PROX2: variants seen among roughly 807,000 people sequenced by gnomAD.
PROX2 encodes prospero homeobox 2, also known as prospero homeobox protein 2.
Under a neutral mutation model 48.9 loss-of-function variants are expected in PROX2, and 46 were observed. That is an observed-to-expected ratio of 0.94 (90% CI 0.74 to 1.20). PROX2 has a LOEUF of 1.20. Ranked by LOEUF, PROX2 falls within the 50% of genes most tolerant of loss-of-function variation. The probability of loss-of-function intolerance (pLI) is 0.00; values close to 1 mark genes in which losing one functional copy is unlikely to be tolerated. For synonymous variants in PROX2, 260 were observed against 276.6 expected (o/e 0.94, Z 0.60); for missense variants, 663 against 719.4 (o/e 0.92, Z 0.90).
At position 74,863,432 on chromosome 14, in the gene PROX2, G is replaced by A. The variant is rs750931588; in HGVS notation, c.403C>T (p.Gln135Ter). Reference protein sequence around the residue: ...NRKGGPRVREQLHLLKQQLRH... With the variant: ...NRKGGPRVRE ...AGCTGTTGCTTCAGCAGATGAAGTT[G>A]TTCTCTCACACGAGGGCCCCCCTTC... The change falls in exon 3 of 6, where the codon CAA (glutamine) becomes TAA (stop). Residue 135 changes from glutamine to a stop codon, truncating the protein, a stop_gained. Coordinates refer to ENST00000556489, the MANE Select transcript of PROX2 (RefSeq NM_001243007.2). LOFTEE classifies it high-confidence loss of function. 7 of 1,613,462 alleles carry A rather than the reference G, an allele frequency of 4.3e-6. No individual in the cohort carries two copies. In the South Asian group the frequency reaches 7.7e-5, roughly 18 times the overall value.
chr14:74,873,176 G>T (rs1417158774), intron 1 of PROX2, among the ~76,000 whole-genome samples: 1 of 152,056 alleles, frequency 6.6e-6, no homozygotes, highest in Non-Finnish European at 1.5e-5. Context: ...GTAGAGGCGG[G>T]GTTTCACCAT....
In PROX2 at chr14:74,857,090, C is replaced by T. The variant is rs954910516; in HGVS notation, c.1414-95G>A. 59 of 951,480 alleles carry T rather than the reference C, an allele frequency of 6.2e-5. 2 individuals are homozygous for T. The Middle Eastern group carries it at 6.7e-4, about 11-fold the overall frequency. The allele number at this position is 951,480 out of a possible 1,614,324, so 58.9% of individuals were successfully genotyped here. A position where few individuals can be genotyped will look rare whatever the true frequency, so the allele number is the denominator to read the frequency against. On this transcript the variant is annotated intron_variant, in intron 4 of 5. Transcript: ENST00000556489. ...CCAGCTCAGTATAGGGGTTCATATA[C>T]GGCTTTAACCAGCATTAACAGGGGC...
Position 74,855,114 on chromosome 14 carries a change from A to C in PROX2, c.*18T>G, listed in dbSNP as rs2091732151. ...AGCCAGTCACTCCTCACGTTGTGGGATCTTAACCCCGAAACAGCTACTGGG... is the reference window on the plus strand; with the variant it reads ...AGCCAGTCACTCCTCACGTTGTGGGCTCTTAACCCCGAAACAGCTACTGGG... On this transcript the variant is annotated 3_prime_UTR_variant, in exon 6 of 6. Transcript: ENST00000556489. 6.6e-7 allele frequency: 1 copy of C among 1,510,178 alleles called. No individual in the cohort carries two copies. Among genetic ancestry groups the C allele is most frequent in the Admixed American group, 1.8e-5 (1 of 54,322 alleles). The allele number at this position is 1,510,178 out of a possible 1,614,324, so 93.5% of individuals were successfully genotyped here.
intron 5 of PROX2, chr14:74,856,240 G>A (rs1439812552): frequency 6.5e-6 from 1 of 152,934 alleles, no homozygotes; most frequent in African/African-American, 2.4e-5. Flanking sequence ...ACCTTTCACT[G>A]ACGCTTTACC....
intron 3 of PROX2, chr14:74,859,420 T>C (rs2091778002): frequency 6.6e-6 from 1 of 152,184 alleles, no homozygotes; most frequent in African/African-American, 2.4e-5. Context: ...TCAATAAATA[T>C]TTGTTGTGTG....
intron 2 of PROX2, among the ~76,000 whole-genome samples, chr14:74,870,829 C>T (rs1164055295): frequency 6.6e-6 from 1 of 152,134 alleles, no homozygotes; most frequent in Non-Finnish European, 1.5e-5. Flanking sequence ...TGCCTGAGGT[C>T]AGGAGTTCGA....
chr14:74,863,647 G>C lies in PROX2; in HGVS notation c.188C>G (p.Ala63Gly). Residue 63 changes from alanine to glycine, a missense_variant, in exon 3 of 6, where the codon GCA becomes GGA. Ala to Gly is a moderately conservative substitution (Grantham distance 60). Coordinates refer to ENST00000556489, the MANE Select transcript of PROX2 (RefSeq NM_001243007.2). ...AATGGTCTCCACTCTGGCCCTCTTTGCCTGGATGTGCTCATCACCAAACCA... is the reference window on the plus strand; with the variant it reads ...AATGGTCTCCACTCTGGCCCTCTTTCCCTGGATGTGCTCATCACCAAACCA... Reference protein sequence around the residue: ...PEWFGDEHIQAKRARVETIVR... With the variant: ...PEWFGDEHIQGKRARVETIVR... 1 of 1,580,168 alleles carries C rather than the reference G, an allele frequency of 6.3e-7. No individual in the cohort carries two copies. The highest frequency in any genetic ancestry group is 1.2e-5 in the South Asian group (1 of 83,854).
chr14:74,868,313 T>TTA (rs4026383), intron 2 of PROX2, among the ~76,000 whole-genome samples: 1,151 of 53,608 alleles, frequency 0.021, 23 homozygotes, highest in Non-Finnish European at 0.028. Context: ...TTTCTCGTAA[T>TTA]TATATATATA....
chr14:74,857,172 T>C, intron 4 of PROX2, 177 bp from the exon 5 acceptor site: 1 of 544,372 alleles, frequency 1.8e-6, no homozygotes, highest in Non-Finnish European at 3.2e-6. Flanking sequence ...TTAGTTATAC[T>C]CAGAAAAATC....
chr14:74,853,707 C>CT lies in PROX2; in HGVS notation c.*1424dup, dbSNP rs745397695. 1.3e-5 allele frequency: 2 copies of CT among 152,148 alleles called. No individual in the cohort carries two copies. The highest frequency in any genetic ancestry group is 2.9e-5 in the Non-Finnish European group (2 of 68,034). 9.4% of individuals were successfully genotyped at this position (152,148 alleles called of 1,614,324 possible). Reference sequence around the variant, plus strand: ...TTGTTTTATATAGACAGGAAAGAAGCTAATGAACTCACAGACACCCCTTAT... The same window carrying CT: ...TTGTTTTATATAGACAGGAAAGAAGCTTAATGAACTCACAGACACCCCTTAT... On this transcript the variant is annotated 3_prime_UTR_variant, in exon 6 of 6. Coordinates refer to ENST00000556489, the MANE Select transcript of PROX2 (RefSeq NM_001243007.2).
Position 74,864,009 on chromosome 14 carries a change from C to T in PROX2, c.-174-1G>A, listed in dbSNP as rs1293950231. On this transcript the variant is annotated splice_acceptor_variant, in intron 2 of 5. Transcript: ENST00000556489. LOFTEE classifies it low-confidence loss of function (5UTR_SPLICE). ...GCTCATGAACCTCCTGGGCAGACTC[C>T]TGAAATTAGAGACAGGAAGAAAAGA... is the stretch of plus-strand genomic sequence containing the variant. The T allele has an allele frequency of 3.1e-6, 2 of 640,494 alleles. No individual in the cohort carries two copies. Among genetic ancestry groups the T allele is most frequent in the Admixed American group, 3.8e-5 (1 of 26,108 alleles). The allele number at this position is 640,494 out of a possible 1,614,324, so 39.7% of individuals were successfully genotyped here. A position where few individuals can be genotyped will look rare whatever the true frequency, so the allele number is the denominator to read the frequency against.
rs1438419185 is a variant in PROX2, at chr14:74,854,518, C to T, written c.*614G>A. On this transcript the variant is annotated 3_prime_UTR_variant, in exon 6 of 6. Transcript: ENST00000556489. ...CCAGGCTCCTGACTGTCCCTATCAA[C>T]CCAGATGTCCTAGCCTCATAGGCTT... 1 of 191,254 alleles carries T rather than the reference C, an allele frequency of 5.2e-6. No individual in the cohort carries two copies. The highest frequency in any genetic ancestry group is 1.1e-5 in the Non-Finnish European group (1 of 89,806). The allele number at this position is 191,254 out of a possible 1,614,324, so 11.8% of individuals were successfully genotyped here. A position where few individuals can be genotyped will look rare whatever the true frequency, so the allele number is the denominator to read the frequency against.
chr14:74,862,798 A>C lies in PROX2; in HGVS notation c.1037T>G (p.Leu346Arg). The C allele has an allele frequency of 6.2e-7, 1 of 1,614,032 alleles. No individual in the cohort carries two copies. The highest frequency in any genetic ancestry group is 8.5e-7 in the Non-Finnish European group (1 of 1,179,882). The part of the protein sequence containing the change: ...APSHIQENQI[L>R]SQLLGHRYNN... ...GTATCTATGACCCAGTAGCTGGCTAAGAATCTGATTTTCCTGGATGTGGGA... is the reference window on the plus strand; with the variant it reads ...GTATCTATGACCCAGTAGCTGGCTACGAATCTGATTTTCCTGGATGTGGGA... Residue 346 changes from leucine to arginine, a missense_variant, in exon 3 of 6, where the codon CTT becomes CGT. Coordinates refer to ENST00000556489, the MANE Select transcript of PROX2 (RefSeq NM_001243007.2).
chr14:74,856,758 A>C, intron 5 of PROX2, 43 bp downstream of exon 5: 1 of 1,527,096 alleles, frequency 6.5e-7, no homozygotes, highest in South Asian at 1.1e-5. Flanking sequence ...CATATAGGGA[A>C]GACACTCATC....
Position 74,863,858 on chromosome 14 carries a change from A to G in PROX2, c.-24T>C. The G allele has an allele frequency of 6.8e-7, 1 of 1,461,050 alleles. No homozygotes were observed. Among genetic ancestry groups the G allele is most frequent in the Non-Finnish European group, 9.0e-7 (1 of 1,113,716 alleles). 90.5% of individuals were successfully genotyped at this position (1,461,050 alleles called of 1,614,324 possible). ...ATCCCAGGCACTTGTTCAGGGCTTC[A>G]GGAATTCCTCCTCCTTATTTCCTCA... On this transcript the variant is annotated 5_prime_UTR_variant, in exon 3 of 6. Coordinates refer to ENST00000556489, the MANE Select transcript of PROX2 (RefSeq NM_001243007.2).
At chr14:74,855,404 G>T in intron 5 of PROX2, 102 bp from the exon 6 acceptor site, 1 of 907,946 alleles carries the variant, frequency 1.1e-6, no homozygotes, top group Non-Finnish European at 1.6e-6. Context: ...TTGGGTAGTG[G>T]GCTAGGAGCA....
chr14:74,871,279 A>T (rs867242468), intron 1 of PROX2, 42 bp from the exon 2 acceptor site: 1 of 151,846 alleles, frequency 6.6e-6, no homozygotes, highest in South Asian at 2.1e-4. Context: ...ATTTTTTTTA[A>T]AAAAACTGCA....
chr14:74,868,323 A>ATT (rs1266510143), intron 2 of PROX2, among the ~76,000 whole-genome samples: 3 of 57,466 alleles, frequency 5.2e-5, no homozygotes, highest in African/African-American at 1.8e-4. Flanking sequence ...TTATATATAT[A>ATT]TATATATATA....
intron 1 of PROX2, chr14:74,874,288 C>T (rs550317302): frequency 3.1e-6 from 1 of 320,772 alleles, no homozygotes; most frequent in Admixed American, 4.6e-5. Context: ...GAGTCTTGCT[C>T]TATTGCCAGG....
Sources: gnomAD v4.1 joint callset for allele counts (sites outside exome capture counted in the v4.1 genomes callset) on GRCh38, gnomAD v4.1.1 for gene constraint, MANE v1.5 for transcripts, NCBI Gene and HGNC (gene_info 2026-07-23, HGNC 2026-07-21) for gene names.